The following NECAB2 variants were observed in gnomAD, a reference collection of about 807,000 sequenced individuals.
The protein encoded by NECAB2 is N-terminal EF-hand calcium binding protein 2.
A neutral mutation model predicts 51.9 loss-of-function variants in NECAB2; 68 were observed. The ratio of observed to expected loss-of-function variants is 1.31; its 90% CI spans 1.08 to 1.60. NECAB2 has a LOEUF of 1.60. Ranked by LOEUF, NECAB2 falls within the 40% of genes most tolerant of loss-of-function variation. NECAB2 has a pLI of 0.00. For synonymous variants in NECAB2, 329 were observed against 203.5 expected (o/e 1.62, Z -5.25); for missense variants, 854 against 490.3 (o/e 1.74, Z -7.00).
intron 5 of NECAB2, among the ~76,000 whole-genome samples, chr16:83,983,908 G>T (rs1207391368): frequency 7.2e-5 from 11 of 151,846 alleles, no homozygotes; most frequent in Non-Finnish European, 1.2e-4. Context: ...CAGGGGAGGG[G>T]ATGATTTTCA....
chr16:83,995,331 G>A (rs1052661245), intron 8 of NECAB2, among the ~76,000 whole-genome samples: 3 of 152,162 alleles, frequency 2.0e-5, no homozygotes, highest in African/African-American at 7.2e-5. Context: ...CTTCATAGCT[G>A]TGTGACCCTG....
intron 5 of NECAB2, among the ~76,000 whole-genome samples, chr16:83,986,688 T>C (rs2084561317): frequency 6.6e-6 from 1 of 151,880 alleles, no homozygotes; most frequent in African/African-American, 2.4e-5. Flanking sequence ...AATTTTTTTT[T>C]TTTTTTTTTT....
At chr16:83,985,615 A>T (rs557501685) in intron 5 of NECAB2, among the ~76,000 whole-genome samples, 1 of 151,814 alleles carries the variant, frequency 6.6e-6, no homozygotes, top group African/African-American at 2.4e-5. Flanking sequence ...CCTGGGCAAC[A>T]AGAGTGAGTC....
intron 6 of NECAB2, among the ~76,000 whole-genome samples, 182 bp downstream of exon 6, chr16:83,990,812 C>G (rs2084614249): frequency 6.6e-6 from 1 of 152,020 alleles, no homozygotes; most frequent in Non-Finnish European, 1.5e-5. Flanking sequence ...TACCTAAAAT[C>G]TCAGCCATTG....
chr16:83,989,732 C>G (rs771584312), intron 5 of NECAB2, among the ~76,000 whole-genome samples: 12 of 152,196 alleles, frequency 7.9e-5, no homozygotes, highest in East Asian at 1.9e-4. Context: ...TCCACTGGAT[C>G]CAAAAGCCTT....
At chr16:83,998,780 C>T (rs1157288105) in intron 10 of NECAB2, among the ~76,000 whole-genome samples, 2 of 144,676 alleles carry the variant, frequency 1.4e-5, no homozygotes, top group South Asian at 2.1e-4. Context: ...AAGGGAAATG[C>T]CCAAGTCATG....
At chr16:83,985,292 A>T (rs1307175617) in intron 5 of NECAB2, among the ~76,000 whole-genome samples, 1 of 130,380 alleles carries the variant, frequency 7.7e-6, no homozygotes, top group East Asian at 2.3e-4. Context: ...CAGCCTGGAC[A>T]ACAAGAGCAA....
chr16:83,966,200 G>C (rs534233458), upstream of NECAB2: 9 of 586,194 alleles, frequency 1.5e-5, no homozygotes, highest in African/African-American at 1.5e-4. Flanking sequence ...AACAGCGGCC[G>C]CAGGCCAGGG....
chr16:83,979,537 T>A (rs7193047), intron 3 of NECAB2, among the ~76,000 whole-genome samples: 5 of 151,850 alleles, frequency 3.3e-5, no homozygotes, highest in African/African-American at 1.2e-4. Context: ...GGCTCCAGAC[T>A]GCAGAATGGA....
chr16:83,999,760 C>T (rs1407321702), intron 10 of NECAB2, among the ~76,000 whole-genome samples: 1 of 152,120 alleles, frequency 6.6e-6, no homozygotes, highest in Non-Finnish European at 1.5e-5. Flanking sequence ...GCCCAGCACC[C>T]CCTCCCCTCA....
intron 8 of NECAB2, 133 bp downstream of exon 8, chr16:83,994,821 G>C (rs1567675973): frequency 9.5e-7 from 1 of 1,050,256 alleles, no homozygotes; most frequent in Non-Finnish European, 1.4e-6. Context: ...CCCCCAGGTG[G>C]GGCGTGGAGC....
intron 1 of NECAB2, among the ~76,000 whole-genome samples, chr16:83,970,429 G>A (rs915299605): frequency 2.6e-5 from 4 of 152,162 alleles, no homozygotes; most frequent in Non-Finnish European, 5.9e-5. Context: ...GATCTTTGAG[G>A]AGGGCTTGGG....
chr16:83,986,782 C>T (rs1172551215), intron 5 of NECAB2, among the ~76,000 whole-genome samples: 1 of 151,458 alleles, frequency 6.6e-6, no homozygotes, highest in Non-Finnish European at 1.5e-5. Flanking sequence ...CTTGGCTTGT[C>T]CAAGTGCTGG....
chr16:83,983,769 G>T (rs928812613), intron 5 of NECAB2, among the ~76,000 whole-genome samples: 1 of 152,136 alleles, frequency 6.6e-6, no homozygotes, highest in African/African-American at 2.4e-5. Context: ...GAGATCGGAT[G>T]ATAGCTTGGG....
At chr16:83,973,005 G>A (rs1182174216) in intron 2 of NECAB2, among the ~76,000 whole-genome samples, 1 of 152,226 alleles carries the variant, frequency 6.6e-6, no homozygotes, top group Non-Finnish European at 1.5e-5. Context: ...GGTAAAGTGG[G>A]GCAATAACAC....
At position 84,002,192 on chromosome 16, in the gene NECAB2, C is replaced by G. The variant is rs535697904; in HGVS notation, c.1133-126C>G. ...GTGTGGTTTGCACCTGGGTGACCAG[C>G]AAGGACCTGTGTGTCACACAAGGAC... On this transcript the variant is annotated intron_variant, in intron 12 of 12. Coordinates refer to ENST00000305202, the MANE Select transcript of NECAB2 (RefSeq NM_019065.3). 70 of 1,262,122 alleles carry G rather than the reference C, an allele frequency of 5.5e-5. 1 individual carries two copies. In the African/African-American group the frequency reaches 7.2e-4, roughly 13 times the overall value. The allele number at this position is 1,262,122 out of a possible 1,614,324, so 78.2% of individuals were successfully genotyped here. A position where few individuals can be genotyped will look rare whatever the true frequency, so the allele number is the denominator to read the frequency against.
intron 3 of NECAB2, among the ~76,000 whole-genome samples, chr16:83,979,565 A>T (rs891127118): frequency 6.6e-6 from 1 of 152,178 alleles, no homozygotes; most frequent in African/African-American, 2.4e-5. Context: ...CTGGGGCCAG[A>T]TGGAGATTTC....
At chr16:83,999,681 A>G (rs1213588967) in intron 10 of NECAB2, among the ~76,000 whole-genome samples, 1 of 152,064 alleles carries the variant, frequency 6.6e-6, no homozygotes, top group African/African-American at 2.4e-5. Flanking sequence ...CACCTTTAAA[A>G]TGACGTGAGT....
In NECAB2 at chr16:83,998,331, C is replaced by A. The variant is rs7199901; in HGVS notation, c.962+14C>A. 3.7e-6 allele frequency: 6 copies of A among 1,611,146 alleles called. No individual in the cohort carries two copies. The highest frequency in any genetic ancestry group is 2.7e-5 in the African/African-American group (2 of 74,832). On this transcript the variant is annotated intron_variant, in intron 10 of 12. Coordinates refer to ENST00000305202, the MANE Select transcript of NECAB2 (RefSeq NM_019065.3). ...GAACTGCTTCCAGTGAGTGAGCTGC[C>A]GAGGCGTGGGTGGGATGGTGGCAGG...
Sources: allele counts gnomAD v4.1 joint callset (sites outside exome capture counted in the v4.1 genomes callset), GRCh38; gene constraint gnomAD v4.1.1; transcripts MANE v1.5; gene names NCBI Gene and HGNC (gene_info 2026-07-23, HGNC 2026-07-21).